Variants in MAT2B observed in about 807,000 individuals in gnomAD.
MAT2B encodes the protein methionine adenosyltransferase 2 non-catalytic beta subunit, also known as methionine adenosyltransferase 2 subunit beta.
MAT2B carries 16 observed loss-of-function variants against 36.1 expected under a neutral mutation model. The observed-to-expected ratio is 0.44, with a 90% CI of 0.30 to 0.67. MAT2B has a LOEUF of 0.67. Among genes scored for constraint, MAT2B ranks in the 30% least tolerant of loss-of-function variants. The probability of loss-of-function intolerance (pLI) is 0.09; values close to 1 mark genes in which losing one functional copy is unlikely to be tolerated. For missense variants in MAT2B, 332 were observed against 398.2 expected (o/e 0.83, Z 1.42); for synonymous variants, 148 against 136.9 (o/e 1.08, Z -0.57).
At chr5:163,512,690 C>T (rs1760064805) in intron 2 of MAT2B, 2 of 453,458 alleles carry the variant, frequency 4.4e-6, no homozygotes, top group African/African-American at 2.0e-5. Flanking sequence ...CTGTTTTGTT[C>T]TTGTTTTTGT....
Position 163,512,104 on chromosome 5 carries a change from G to A in MAT2B, c.166G>A (p.Val56Ile), listed in dbSNP as rs767834890. The change falls in exon 2 of 7, where the codon GTT becomes ATT. Residue 56 changes from valine to isoleucine, a missense_variant. By Grantham distance (29) the Val-to-Ile change is conservative (BLOSUM62 3). Transcript: ENST00000321757. ...KEFQQNNWHAVGCGFRRARPK... is the reference protein window; with the variant it reads ...KEFQQNNWHAIGCGFRRARPK... The stretch of plus-strand genomic sequence containing the variant: ...ATTTCAGCAGAATAATTGGCATGCA[G>A]TTGGCTGTGGTTTCAGAAGAGCAAG... The A allele has an allele frequency of 1.9e-6, 3 of 1,614,158 alleles. No individual in the cohort carries two copies. Among genetic ancestry groups the A allele is most frequent in the African/African-American group, 1.3e-5 (1 of 75,044 alleles).
chr5:163,517,671 A>G lies in MAT2B; in HGVS notation c.831A>G (p.Arg277=). Residue 277 remains arginine, a synonymous_variant, in exon 6 of 7, where the codon AGA becomes AGG. Coordinates refer to ENST00000321757, the MANE Select transcript of MAT2B (RefSeq NM_013283.5). ...TCAACCTCCCCAGCAGTCACTTAAG[A>G]CCTGTAAGTACATGGCTGTAAAAAC... ...DAFNLPSSHL[R]PITDSPVLGA... 1 of 1,593,798 alleles carries G rather than the reference A, an allele frequency of 6.3e-7. No homozygotes were observed. The highest frequency in any genetic ancestry group is 8.6e-7 in the Non-Finnish European group (1 of 1,161,632).
intron 1 of MAT2B, among the ~76,000 whole-genome samples, chr5:163,509,305 G>A (rs1759998544): frequency 6.6e-6 from 1 of 152,110 alleles, no homozygotes; most frequent in South Asian, 2.1e-4. Context: ...TTTTTTAAGG[G>A]GGAAAGATAC....
At chr5:163,507,352 A>T (rs781376423) in intron 1 of MAT2B, among the ~76,000 whole-genome samples, 4 of 152,196 alleles carry the variant, frequency 2.6e-5, no homozygotes, top group Non-Finnish European at 4.4e-5. Flanking sequence ...GTATCATTCG[A>T]TTAGATACGA....
intron 4 of MAT2B, among the ~76,000 whole-genome samples, chr5:163,515,283 C>A (rs1760113909): frequency 1.3e-5 from 2 of 152,176 alleles, no homozygotes; most frequent in Non-Finnish European, 2.9e-5. Context: ...TGTATACCAT[C>A]AGCAGGGACC....
At chr5:163,514,979 C>G (rs1186015570) in intron 4 of MAT2B, among the ~76,000 whole-genome samples, 2 of 152,138 alleles carry the variant, frequency 1.3e-5, no homozygotes, top group African/African-American at 4.8e-5. Context: ...GAGGGTCTTT[C>G]TGGTCCTCTG....
Position 163,518,533 on chromosome 5 carries a change from AG to A in MAT2B, c.*171del. 1.2e-5 allele frequency: 6 copies of A among 492,864 alleles called. No homozygotes were observed. The highest frequency in any genetic ancestry group is 1.4e-5 in the Non-Finnish European group (4 of 292,646). The allele number at this position is 492,864 out of a possible 1,614,324, so 30.5% of individuals were successfully genotyped here. On this transcript the variant is annotated 3_prime_UTR_variant, in exon 7 of 7. Coordinates refer to ENST00000321757, the MANE Select transcript of MAT2B (RefSeq NM_013283.5). ...AAATTGTCTAAAGAAACTAAAGGGC[AG>A]TCATGCCCTGTTTGCAGTAATTTTT... is the stretch of plus-strand genomic sequence containing the variant.
chr5:163,513,104 G>C (rs1478641793), intron 2 of MAT2B: 1 of 170,242 alleles, frequency 5.9e-6, no homozygotes, highest in African/African-American at 2.4e-5. Flanking sequence ...TTCTGCCTCG[G>C]CCTCCACAAC....
At position 163,512,208 on chromosome 5, in the gene MAT2B, G is replaced by T; in HGVS notation, c.258+12G>T. 1 of 1,599,756 alleles carries T rather than the reference G, an allele frequency of 6.3e-7. No individual in the cohort carries two copies. The highest frequency in any genetic ancestry group is 2.2e-5 in the East Asian group (1 of 44,802). On this transcript the variant is annotated intron_variant, in intron 2 of 6. Coordinates refer to ENST00000321757, the MANE Select transcript of MAT2B (RefSeq NM_013283.5). ...TTCATGATTTTCAGGTATGATTTAG[G>T]TTATTTTAAGATATACATGAACAAT...
upstream of MAT2B, chr5:163,503,319 C>T (rs1243665553): frequency 2.8e-6 from 4 of 1,410,196 alleles, no homozygotes; most frequent in African/African-American, 2.8e-5. Flanking sequence ...CAGGCAGAAG[C>T]GAACAAAGAC....
chr5:163,504,001 ATTCT>A (rs746235646), upstream of MAT2B, among the ~76,000 whole-genome samples: 14 of 152,236 alleles, frequency 9.2e-5, no homozygotes, highest in Non-Finnish European at 1.9e-4. Context: ...GCCAAGTTAA[ATTCT>A]TTCTGTTCCT....
At chr5:163,505,234 A>C (rs993801778), upstream of MAT2B, among the ~76,000 whole-genome samples, 1 of 148,102 alleles carries the variant, frequency 6.8e-6, no homozygotes, top group African/African-American at 2.5e-5. Context: ...CCCCGCCCCC[A>C]TGACTTTAAA....
chr5:163,516,457 A>C, intron 4 of MAT2B, 61 bp from the exon 5 acceptor site: 18 of 1,371,626 alleles, frequency 1.3e-5, no homozygotes, highest in Non-Finnish European at 1.9e-5. Flanking sequence ...ACACCCTTGT[A>C]TCTTACATCA....
At chr5:163,515,715 A>T (rs932594157) in intron 4 of MAT2B, among the ~76,000 whole-genome samples, 5 of 151,752 alleles carry the variant, frequency 3.3e-5, no homozygotes, top group African/African-American at 1.2e-4. Context: ...TATATATATA[A>T]AAAAAACTAG....
rs1228928194 is a variant in MAT2B at position 163,518,352 on chromosome 5, G to A, written c.994G>A (p.Val332Ile). The A allele has an allele frequency of 6.2e-7, 1 of 1,602,562 alleles. No individual in the cohort carries two copies. The highest frequency in any genetic ancestry group is 8.5e-7 in the Non-Finnish European group (1 of 1,176,198). ...FLIDKRWRQT[V>I]FH ...CATTGACAAGAGATGGAGACAAACGGTCTTTCATTAGTTTATTTGTGTTGG... is the reference window on the plus strand; with the variant it reads ...CATTGACAAGAGATGGAGACAAACGATCTTTCATTAGTTTATTTGTGTTGG... Residue 332 changes from valine (V) to isoleucine (I), a missense_variant, in exon 7 of 7, where the codon GTC (valine) becomes ATC (isoleucine). Val to Ile is a conservative substitution (Grantham distance 29). Coordinates refer to ENST00000321757, the MANE Select transcript of MAT2B (RefSeq NM_013283.5).
chr5:163,504,293 TA>T, upstream of MAT2B, among the ~76,000 whole-genome samples: 1 of 148,970 alleles, frequency 6.7e-6, no homozygotes, highest in Non-Finnish European at 1.5e-5. Context: ...ATTCCCTAAA[TA>T]AAGCCAAACT....
At position 163,513,684 on chromosome 5, in the gene MAT2B, A is replaced by G; in HGVS notation, c.373+15A>G. 6.3e-7 allele frequency: 1 copy of G among 1,593,706 alleles called. No individual in the cohort carries two copies. Among genetic ancestry groups the G allele is most frequent in the Non-Finnish European group, 8.6e-7 (1 of 1,164,484 alleles). ...AAAGGAAGCAGGTAATGATGACTTT[A>G]TAAAATTTTCATAAAATATTAAGTG... On this transcript the variant is annotated intron_variant, in intron 3 of 6. Coordinates refer to ENST00000321757, the MANE Select transcript of MAT2B (RefSeq NM_013283.5).
intron 2 of MAT2B, chr5:163,512,584 T>C (rs1760063052): frequency 2.5e-6 from 1 of 392,544 alleles, no homozygotes; most frequent in Non-Finnish European, 5.0e-6. Context: ...TTGACATGGA[T>C]TTATTAGATA....
chr5:163,515,770 CT>C (rs66978639), intron 4 of MAT2B, among the ~76,000 whole-genome samples: 3,109 of 69,576 alleles, frequency 0.045, 20 homozygotes, highest in African/African-American at 0.11. Context: ...TTGCCTTTTT[CT>C]TTTTTTTTTT....
Sources: allele counts gnomAD v4.1 joint callset (sites outside exome capture counted in the v4.1 genomes callset), GRCh38; gene constraint gnomAD v4.1.1; transcripts MANE v1.5; gene names NCBI Gene and HGNC (gene_info 2026-07-23, HGNC 2026-07-21).